Variants in LOC128125822 observed in about 807,000 individuals in gnomAD.
chr6:63,573,451 CGCCCGCGCCTGACTGA>C, the LOC128125822 span: 1 of 152,162 alleles, frequency 6.6e-6, no homozygotes, highest in South Asian at 2.1e-4. Context: ...ATGGCCTCGG[CGCCCGCGCCTGACTGA>C]AGGCGCGGCG....
chr6:63,576,028 GTA>G, the LOC128125822 span, among the ~76,000 whole-genome samples: 1 of 151,318 alleles, frequency 6.6e-6, no homozygotes, highest in Non-Finnish European at 1.5e-5. Context: ...TAAAGTGTAT[GTA>G]ATTACAATGT....
chr6:63,579,332 G>A, the LOC128125822 span: 1 of 1,586,062 alleles, frequency 6.3e-7, no homozygotes, highest in Non-Finnish European at 8.6e-7. Flanking sequence ...TCATAAGACA[G>A]TAAGTAATGG....
At chr6:63,577,241 ACTTAT>A in the LOC128125822 span, among the ~76,000 whole-genome samples, 1 of 152,146 alleles carries the variant, frequency 6.6e-6, no homozygotes, top group African/African-American at 2.4e-5. Context: ...TATAGCTCTT[ACTTAT>A]CTTGTAAGAA....
At chr6:63,579,952 CAA>C in the LOC128125822 span, 2 of 796,746 alleles carry the variant, frequency 2.5e-6, no homozygotes, top group Non-Finnish European at 4.1e-6. Context: ...CCTAATTAAT[CAA>C]AAGATAAATT....
chr6:63,579,348 C>G, the LOC128125822 span: 2 of 1,558,390 alleles, frequency 1.3e-6, no homozygotes, highest in Non-Finnish European at 1.8e-6. Context: ...AATGGATTCT[C>G]TTTTCATTTG....
At chr6:63,578,366 C>T in the LOC128125822 span, 1 of 1,489,538 alleles carries the variant, frequency 6.7e-7, no homozygotes, top group African/African-American at 1.4e-5. Context: ...CAGAGATGAT[C>T]AGAATATAAA....
At chr6:63,578,166 A>AG in the LOC128125822 span, among the ~76,000 whole-genome samples, 2 of 152,204 alleles carry the variant, frequency 1.3e-5, no homozygotes, top group Non-Finnish European at 2.9e-5. Context: ...CAGTGTATGA[A>AG]GGGGGCACAC....
chr6:63,576,113 A>G, the LOC128125822 span, among the ~76,000 whole-genome samples: 3 of 150,016 alleles, frequency 2.0e-5, no homozygotes, highest in African/African-American at 7.3e-5. Flanking sequence ...TAGTATATAT[A>G]CAGAGAATAT....
chr6:63,573,193 G>A, the LOC128125822 span: 1 of 153,734 alleles, frequency 6.5e-6, no homozygotes. Context: ...GGCTGCACTG[G>A]GAGCGGGAGA....
At chr6:63,573,668 G>T in the LOC128125822 span, 1 of 152,356 alleles carries the variant, frequency 6.6e-6, no homozygotes, top group African/African-American at 2.4e-5. Flanking sequence ...CTGGTAATTC[G>T]AGCTGTTCCG....
chr6:63,578,674 A>G, the LOC128125822 span: 10 of 1,302,144 alleles, frequency 7.7e-6, no homozygotes, highest in Non-Finnish European at 1.0e-5. Context: ...CAGAATCTTA[A>G]TTTCTAAATA....
the LOC128125822 span, chr6:63,577,056 A>T: frequency 8.0e-7 from 1 of 1,250,798 alleles, no homozygotes; most frequent in Non-Finnish European, 1.1e-6. Context: ...CTAACAAAAT[A>T]AAAACTACTT....
At chr6:63,576,324 A>G in the LOC128125822 span, 1 of 391,518 alleles carries the variant, frequency 2.6e-6, no homozygotes, top group African/African-American at 2.1e-5. Flanking sequence ...GAAGCGGCTC[A>G]GGCCCTGCTT....
chr6:63,578,340 C>A, the LOC128125822 span: 1 of 1,311,946 alleles, frequency 7.6e-7, no homozygotes. Flanking sequence ...TTCTGTTAAC[C>A]AGCATACTTA....
the LOC128125822 span, chr6:63,581,424 A>T: frequency 2.0e-5 from 3 of 152,740 alleles, no homozygotes; most frequent in South Asian, 6.2e-4. Flanking sequence ...GAGCTGAAAC[A>T]TCTAAATAAA....
chr6:63,582,050 G>A, the LOC128125822 span: 4 of 152,102 alleles, frequency 2.6e-5, no homozygotes, highest in African/African-American at 9.7e-5. Context: ...CTTCATACCA[G>A]TTTAACACTT....
the LOC128125822 span, among the ~76,000 whole-genome samples, chr6:63,573,051 G>A: frequency 6.6e-6 from 1 of 152,020 alleles, no homozygotes; most frequent in Non-Finnish European, 1.5e-5. Context: ...TTCCGCAGCG[G>A]GCCGGGTGGG....
At chr6:63,572,590 G>A in the LOC128125822 span, 4 of 415,830 alleles carry the variant, frequency 9.6e-6, no homozygotes, top group Admixed American at 4.4e-5. Context: ...CGCCTGCATC[G>A]CCGCCACCGC....
the LOC128125822 span, among the ~76,000 whole-genome samples, chr6:63,579,715 A>G: frequency 1.3e-5 from 2 of 152,216 alleles, no homozygotes; most frequent in East Asian, 3.8e-4. Context: ...TGAGTGCTGT[A>G]GAACATGCCT....
Sources: allele counts gnomAD v4.1 joint callset (sites outside exome capture counted in the v4.1 genomes callset), GRCh38; gene constraint gnomAD v4.1.1; transcripts MANE v1.5.